CTPS1: variants seen among roughly 807,000 people sequenced by gnomAD.
CTPS1 encodes the protein CTP synthetase 1.
CTPS1 carries 25 observed loss-of-function variants against 80.5 expected under a neutral mutation model. That is an observed-to-expected ratio of 0.31 (90% CI 0.23 to 0.43). CTPS1 has a LOEUF of 0.43. CTPS1 is among the 20% of genes least tolerant of loss of function. The pLI, the probability that CTPS1 is intolerant of heterozygous loss-of-function variation, is 1.00. For synonymous variants in CTPS1, 267 were observed against 252.5 expected (o/e 1.06, Z -0.54); for missense variants, 442 against 725.7 (o/e 0.61, Z 4.49).
intron 7 of CTPS1, among the ~76,000 whole-genome samples, chr1:40,993,893 C>G (rs1642683945): frequency 6.6e-6 from 1 of 150,976 alleles, no homozygotes; most frequent in South Asian, 2.1e-4. Flanking sequence ...ATTCTCCTGC[C>G]TCAGCCTCCT....
chr1:41,007,312 G>A lies in CTPS1; in HGVS notation c.1297-137G>A, dbSNP rs1473729123. ...TGCCAACTGGGAGGCATTTTCTTCTGTGACAAAATGTCTCATAAGGAAAGC... is the reference window on the plus strand; with the variant it reads ...TGCCAACTGGGAGGCATTTTCTTCTATGACAAAATGTCTCATAAGGAAAGC... On this transcript the variant is annotated intron_variant, in intron 13 of 18. Coordinates refer to ENST00000650070, the MANE Select transcript of CTPS1 (RefSeq NM_001905.4). This position sits in a 1 kb window ranked among gnomAD's most constrained non-coding sequence, Gnocchi z 4.4. The A allele has an allele frequency of 1.4e-6, 1 of 723,028 alleles. No homozygotes were observed. The highest frequency in any genetic ancestry group is 2.3e-6 in the Non-Finnish European group (1 of 437,316). 44.8% of individuals were successfully genotyped at this position (723,028 alleles called of 1,614,324 possible). A position where few individuals can be genotyped will look rare whatever the true frequency, so the allele number is the denominator to read the frequency against.
chr1:41,008,671 G>A lies in CTPS1; in HGVS notation c.1406G>A (p.Gly469Glu), dbSNP rs746596357. 6.2e-7 allele frequency: 1 copy of A among 1,614,162 alleles called. No homozygotes were observed. The highest frequency in any genetic ancestry group is 8.5e-7 in the Non-Finnish European group (1 of 1,180,020). The change falls in exon 15 of 19, where the codon GGA (glycine) becomes GAA (glutamate). Residue 469 changes from glycine (G) to glutamate (E), a missense_variant. By Grantham distance (98) the Gly-to-Glu change is moderately conservative. Around this residue, in one of 4 missense-constraint regions of CTPS1, gnomAD observed 321 missense variants for 467.2 expected, o/e 0.69. Transcript: ENST00000650070. ...TKNSVMRKLY[G>E]DADYLEERHR... Reference sequence around the variant, plus strand: ...TTTGTTTTGCCAGGGAAACTCTATGGAGACGCAGACTACTTGGAAGAGAGG... The same window carrying A: ...TTTGTTTTGCCAGGGAAACTCTATGAAGACGCAGACTACTTGGAAGAGAGG...
intron 16 of CTPS1, among the ~76,000 whole-genome samples, chr1:41,009,109 A>G (rs1643105668): frequency 6.6e-6 from 1 of 152,138 alleles, no homozygotes; most frequent in Admixed American, 6.5e-5. Context: ...TTCTGGCCGC[A>G]GTTTCTCCTT....
At chr1:40,996,540 A>AC (rs1642756693) in intron 8 of CTPS1, among the ~76,000 whole-genome samples, 1 of 152,170 alleles carries the variant, frequency 6.6e-6, no homozygotes, top group Non-Finnish European at 1.5e-5. Flanking sequence ...ACATCCTTTT[A>AC]AGGCTCGGTG....
chr1:41,001,072 A>G lies in CTPS1; in HGVS notation c.1049A>G (p.Glu350Gly). The G allele has an allele frequency of 6.2e-7, 1 of 1,612,602 alleles. No individual in the cohort carries two copies. Among genetic ancestry groups the G allele is most frequent in the Non-Finnish European group, 8.5e-7 (1 of 1,179,530 alleles). The change falls in exon 10 of 19, where the codon GAG (glutamate) becomes GGG (glycine). Residue 350 changes from glutamate (E) to glycine (G), a missense_variant. By Grantham distance (98) the Glu-to-Gly change is moderately conservative. This residue lies in a region of CTPS1 where 321 missense variants were observed against 467.2 expected (regional missense o/e 0.69). Coordinates refer to ENST00000650070, the MANE Select transcript of CTPS1 (RefSeq NM_001905.4). Reference sequence around the variant, plus strand: ...TTGGAGCCCATCACCTCGCAAGAAGAGCCCGTGCGCTACCACGAAGCTTGG... The same window carrying G: ...TTGGAGCCCATCACCTCGCAAGAAGGGCCCGTGCGCTACCACGAAGCTTGG... ...ADLEPITSQE[E>G]PVRYHEAWQK...
intron 1 of CTPS1, among the ~76,000 whole-genome samples, chr1:40,981,383 G>A (rs1369496652): frequency 6.6e-6 from 1 of 152,076 alleles, no homozygotes; most frequent in Non-Finnish European, 1.5e-5. Context: ...AGTAAAATTG[G>A]GACAAATCAA....
At chr1:40,985,116 C>T in intron 3 of CTPS1, 125 bp downstream of exon 3, 1 of 566,460 alleles carries the variant, frequency 1.8e-6, no homozygotes, top group Non-Finnish European at 2.7e-6. Flanking sequence ...GTGATTTCAG[C>T]ATGAAACTCT....
In CTPS1 at chr1:41,007,817, C is replaced by T. The variant is rs1200790335; in HGVS notation, c.1393+272C>T. 1.3e-5 allele frequency among the ~76,000 whole-genome samples: 2 copies of T among 152,170 alleles called. No individual in the cohort carries two copies. Among genetic ancestry groups the T allele is most frequent in the Non-Finnish European group, 2.9e-5 (2 of 68,048 alleles). ...ATGAGGCAGTGAGGTTACATTCATCCTTATCGGTTACTTTCCTATTAAGAC... is the reference window on the plus strand; with the variant it reads ...ATGAGGCAGTGAGGTTACATTCATCTTTATCGGTTACTTTCCTATTAAGAC... On this transcript the variant is annotated intron_variant, in intron 14 of 18. Transcript: ENST00000650070. The surrounding 1 kb of genome is among the most constrained non-coding windows in gnomAD (Gnocchi z 4.4).
chr1:40,992,682 A>ATTT (rs67623913), intron 7 of CTPS1, among the ~76,000 whole-genome samples: 2 of 127,904 alleles, frequency 1.6e-5, no homozygotes, highest in African/African-American at 3.0e-5. Context: ...AAATTGTTCA[A>ATTT]TTTTTTTTTT....
intron 9 of CTPS1, among the ~76,000 whole-genome samples, chr1:40,998,396 TAAAAAAAAAAAA>T (rs56282224): frequency 1.4e-4 from 9 of 64,608 alleles, no homozygotes; most frequent in Admixed American, 1.8e-4. Flanking sequence ...AGACTCTGTC[TAAAAAAAAAAAA>T]AAAAAAAAAA....
At chr1:40,994,687 T>C (rs1324210631) in intron 7 of CTPS1, among the ~76,000 whole-genome samples, 1 of 152,218 alleles carries the variant, frequency 6.6e-6, no homozygotes, top group Non-Finnish European at 1.5e-5. Context: ...TCTTATCTAA[T>C]GATAATGGCT....
chr1:40,991,723 A>G (rs759063799), intron 6 of CTPS1, 42 bp from the exon 7 acceptor site: 1 of 1,434,432 alleles, frequency 7.0e-7, no homozygotes, highest in South Asian at 1.2e-5. Context: ...TACTTCTGTC[A>G]TTTTTTCCTT....
intron 18 of CTPS1, among the ~76,000 whole-genome samples, chr1:41,010,591 G>A (rs1042404137): frequency 6.6e-6 from 1 of 152,156 alleles, no homozygotes; most frequent in Non-Finnish European, 1.5e-5. Flanking sequence ...GGGAGGGTCT[G>A]AATTCTTAGA....
intron 12 of CTPS1, among the ~76,000 whole-genome samples, chr1:41,005,558 T>G (rs1643012789): frequency 6.6e-6 from 1 of 152,182 alleles, no homozygotes; most frequent in Non-Finnish European, 1.5e-5. Flanking sequence ...TCCAGAGAGT[T>G]ATACTTAACG....
chr1:41,003,225 G>A (rs765284170), intron 12 of CTPS1, 49 bp downstream of exon 12: 3 of 1,601,440 alleles, frequency 1.9e-6, no homozygotes, highest in African/African-American at 2.7e-5. Context: ...TGTATTTCTG[G>A]AGGATATGAG....
At chr1:40,993,331 G>A (rs1031494218) in intron 7 of CTPS1, among the ~76,000 whole-genome samples, 1 of 152,090 alleles carries the variant, frequency 6.6e-6, no homozygotes, top group African/African-American at 2.4e-5. Context: ...GATTACAGGT[G>A]TGAGCTACCA....
At chr1:41,005,554 G>A (rs759343263) in intron 12 of CTPS1, among the ~76,000 whole-genome samples, 2 of 152,114 alleles carry the variant, frequency 1.3e-5, no homozygotes, top group Non-Finnish European at 2.9e-5. Flanking sequence ...ACTTTCCAGA[G>A]AGTTATACTT....
chr1:41,002,275 G>A (rs1570972512), intron 11 of CTPS1, 21 bp downstream of exon 11: 4 of 1,599,424 alleles, frequency 2.5e-6, no homozygotes, highest in African/African-American at 1.3e-5. Flanking sequence ...CTGCAGTGCA[G>A]TCTTCACTTA....
At chr1:40,992,346 T>G (rs1252071148) in intron 7 of CTPS1, among the ~76,000 whole-genome samples, 2 of 151,316 alleles carry the variant, frequency 1.3e-5, no homozygotes, top group Non-Finnish European at 3.0e-5. Context: ...ATCTTTCTGG[T>G]GTGTGTGTGT....
Sources: allele counts gnomAD v4.1 joint callset (sites outside exome capture counted in the v4.1 genomes callset), GRCh38; gene constraint gnomAD v4.1.1; regional missense constraint gnomAD v4.1.1; non-coding constraint Gnocchi (gnomAD v3.1); transcripts MANE v1.5; gene names NCBI Gene and HGNC (gene_info 2026-07-23, HGNC 2026-07-21).